The following NLGN1 variants were observed in gnomAD, a reference collection of about 807,000 sequenced individuals.
The protein encoded by NLGN1 is neuroligin-1.
A neutral mutation model predicts 65.5 loss-of-function variants in NLGN1; 12 were observed. The ratio of observed to expected loss-of-function variants is 0.18; its 90% CI spans 0.12 to 0.30. The LOEUF is 0.30. Ranked by LOEUF, NLGN1 falls within the 10% of genes least tolerant of loss-of-function variation. NLGN1 has a pLI of 1.00. For synonymous variants in NLGN1, 350 were observed against 359.5 expected (o/e 0.97, Z 0.30); for missense variants, 750 against 1,007.1 (o/e 0.74, Z 3.46).
At chr3:173,651,358 C>T (rs189835835) in intron 3 of NLGN1, among the ~76,000 whole-genome samples, 42 of 151,600 alleles carry the variant, frequency 2.8e-4, no homozygotes, top group African/African-American at 9.9e-4. Context: ...TTTATTCGCT[C>T]ATCTGTTGAT....
rs186193054 is a variant in NLGN1, at chr3:174,033,604, A to G, written c.646+225772A>G. Among the ~76,000 whole-genome samples, 254 of 152,276 alleles carry G rather than the reference A, an allele frequency of 1.7e-3. 2 individuals are homozygous for G. Among genetic ancestry groups the G allele is most frequent in the Non-Finnish European group, 2.0e-3 (135 of 68,022 alleles). On this transcript the variant is annotated intron_variant, in intron 4 of 6. Coordinates refer to ENST00000457714, the Ensembl canonical transcript of NLGN1. The stretch of plus-strand genomic sequence containing the variant: ...AACAGGTAACATAAGCAGAGAAGTG[A>G]AATCTCTAAGAAAAAATAAAGAAGA...
downstream of NLGN1, among the ~76,000 whole-genome samples, chr3:174,290,742 G>A (rs943014441): frequency 6.6e-6 from 1 of 150,974 alleles, no homozygotes; most frequent in Non-Finnish European, 1.5e-5. Flanking sequence ...AAGGAAAATA[G>A]AGCTGATTAA....
chr3:173,716,620 A>G (rs114178225), intron 3 of NLGN1, among the ~76,000 whole-genome samples: 3,443 of 152,190 alleles, frequency 0.023, 132 homozygotes, highest in African/African-American at 0.077. Flanking sequence ...GGCTGAATGC[A>G]CAGCTTCAGC....
intron 4 of NLGN1, among the ~76,000 whole-genome samples, chr3:174,130,641 G>T (rs1719984146): frequency 6.6e-6 from 1 of 152,130 alleles, no homozygotes; most frequent in African/African-American, 2.4e-5. Context: ...CTTTTTGGGA[G>T]ATGATGGCCA....
intron 3 of NLGN1, among the ~76,000 whole-genome samples, chr3:173,763,713 A>G (rs1352386089): frequency 6.6e-6 from 1 of 152,046 alleles, no homozygotes; most frequent in Non-Finnish European, 1.5e-5. Flanking sequence ...AGCTATAAGA[A>G]AAAGGGGAGG....
Position 173,857,243 on chromosome 3 carries a change from C to T in NLGN1, c.646+49411C>T, listed in dbSNP as rs73035413. Among the ~76,000 whole-genome samples, 629 of 152,104 alleles carry T rather than the reference C, an allele frequency of 4.1e-3. 1 individual carries two copies. The highest frequency in any genetic ancestry group is 0.014 in the African/African-American group (582 of 41,528). ...TTCAATAATTTGGACACAAGTGTTA[C>T]TGTTGATAGAATTTGAATCCACTGA... On this transcript the variant is annotated intron_variant, in intron 4 of 6. Coordinates refer to ENST00000457714, the Ensembl canonical transcript of NLGN1.
chr3:173,580,928 A>G (rs540802422), intron 2 of NLGN1, among the ~76,000 whole-genome samples: 2 of 152,070 alleles, frequency 1.3e-5, no homozygotes, highest in South Asian at 4.1e-4. Flanking sequence ...CTCCTATGAT[A>G]TACTTTGGAT....
rs1462806026 is a variant in NLGN1, at chr3:174,008,859, AT to A, written c.646+201034del. Reference sequence around the variant, plus strand: ...ATCTCTTCTCAAATTAAACCCTTTAATTTTTTTATTGATTTGATTTCATTCA... The same window carrying A: ...ATCTCTTCTCAAATTAAACCCTTTAATTTTTTATTGATTTGATTTCATTCA... On this transcript the variant is annotated intron_variant, in intron 4 of 6. Coordinates refer to ENST00000457714, the Ensembl canonical transcript of NLGN1. 2.6e-5 allele frequency among the ~76,000 whole-genome samples: 4 copies of A among 152,186 alleles called. No individual in the cohort carries two copies. In the East Asian group the frequency reaches 7.7e-4, roughly 29 times the overall value.
chr3:173,398,936 A>G (rs1358096108), intron 1 of NLGN1, among the ~76,000 whole-genome samples: 3 of 152,228 alleles, frequency 2.0e-5, no homozygotes, highest in African/African-American at 7.2e-5. Flanking sequence ...TTAAAATGTC[A>G]CTGAGAAAGG....
intron 4 of NLGN1, among the ~76,000 whole-genome samples, chr3:174,166,239 A>C (rs1016909352): frequency 3.3e-5 from 5 of 151,770 alleles, no homozygotes; most frequent in African/African-American, 1.2e-4. Context: ...TGCTAGCTTT[A>C]GAGTTAGTTT....
intron 2 of NLGN1, among the ~76,000 whole-genome samples, chr3:173,470,247 C>T (rs1043080601): frequency 1.3e-5 from 2 of 152,018 alleles, no homozygotes; most frequent in Non-Finnish European, 2.9e-5. Context: ...TTTTAAACAT[C>T]CTGTCTTGCC....
chr3:173,504,474 GA>G (rs1407983024), intron 2 of NLGN1, among the ~76,000 whole-genome samples: 1 of 152,000 alleles, frequency 6.6e-6, no homozygotes, highest in Non-Finnish European at 1.5e-5. Context: ...AACCTAAAAA[GA>G]GGAAAAATAG....
At chr3:173,956,734 A>G (rs1263528832) in intron 4 of NLGN1, among the ~76,000 whole-genome samples, 1 of 152,194 alleles carries the variant, frequency 6.6e-6, no homozygotes, top group East Asian at 1.9e-4. Context: ...AACGTTCTAA[A>G]TAGAACAAAG....
intron 4 of NLGN1, among the ~76,000 whole-genome samples, chr3:174,071,837 C>T (rs375369875): frequency 3.3e-5 from 5 of 152,076 alleles, no homozygotes; most frequent in African/African-American, 1.2e-4. Context: ...TGACCGAAAC[C>T]GTATTCTGTG....
At chr3:173,780,064 G>A (rs1290378871) in intron 3 of NLGN1, among the ~76,000 whole-genome samples, 1 of 152,066 alleles carries the variant, frequency 6.6e-6, no homozygotes. Flanking sequence ...TGCATAAAAA[G>A]CTATACATTT....
intron 1 of NLGN1, among the ~76,000 whole-genome samples, chr3:173,411,805 G>T (rs1712622812): frequency 6.6e-6 from 1 of 151,984 alleles, no homozygotes; most frequent in Admixed American, 6.6e-5. Flanking sequence ...GCTTCTCTGG[G>T]TTACATCTGT....
exon 7 of NLGN1, chr3:174,283,883 T>C (rs570453382): frequency 6.6e-6 from 1 of 151,514 alleles, no homozygotes; most frequent in South Asian, 2.1e-4. Context: ...ACTGTATTAA[T>C]TAAACAAAAC....
In NLGN1 at chr3:173,832,086, T is replaced by TA. The variant is rs200366940; in HGVS notation, c.646+24255dup. Among the ~76,000 whole-genome samples the TA allele has an allele frequency of 9.5e-3, 1,432 of 151,336 alleles. 11 individuals are homozygous for TA. Among genetic ancestry groups the TA allele is most frequent in the Non-Finnish European group, 0.016 (1,096 of 67,932 alleles). ...GATCTTTCCACCTCAACCTCTCAAG[T>TA]AGCTGGGCCACAGTTGCTCGCCTCC... On this transcript the variant is annotated intron_variant, in intron 4 of 6. Coordinates refer to ENST00000457714, the Ensembl canonical transcript of NLGN1.
At chr3:173,462,037 AAAACATC>A (rs1262380126) in intron 2 of NLGN1, among the ~76,000 whole-genome samples, 1 of 152,230 alleles carries the variant, frequency 6.6e-6, no homozygotes, top group East Asian at 1.9e-4. Context: ...GCAGACTGAT[AAAACATC>A]AAAAATCAAT....
Sources: allele counts gnomAD v4.1 joint callset (sites outside exome capture counted in the v4.1 genomes callset), GRCh38; gene constraint gnomAD v4.1.1; transcripts MANE v1.5; gene names NCBI Gene and HGNC (gene_info 2026-07-23, HGNC 2026-07-21).